PAK3: variants seen among roughly 807,000 people sequenced by gnomAD.
PAK3 encodes the protein p21 (RAC1) activated kinase 3, also known as serine/threonine-protein kinase PAK 3.
In PAK3, 4 loss-of-function variants were observed where a neutral mutation model predicts 41.0. That is an observed-to-expected ratio of 0.10 (90% CI 0.05 to 0.22). The LOEUF (loss-of-function observed/expected upper bound fraction) is 0.22. PAK3 is among the 10% of genes least tolerant of loss of function. The pLI is 1.00. For missense variants in PAK3, 205 were observed against 409.9 expected (o/e 0.50, Z 4.32); for synonymous variants, 146 against 139.6 (o/e 1.05, Z -0.32).
chrX:111,204,817 G>A (rs73545211), intron 16 of PAK3, among the ~76,000 whole-genome samples: 14,034 of 97,988 alleles, frequency 0.14, 2,375 homozygotes, highest in African/African-American at 0.47. Context: ...TGACCTTTCT[G>A]TTGTAGCTTT....
chrX:110,954,945 GCCTGGGTGGGGGAAGACAA>G (rs1408766774), intron 1 of PAK3, among the ~76,000 whole-genome samples: 3 of 111,198 alleles, frequency 2.7e-5, no homozygotes, highest in Non-Finnish European at 5.7e-5. Context: ...GCTAAAGGGA[GCCTGGGTGGGGGAAGACAA>G]CCAGGGAGAG....
chrX:111,173,178 T>C, intron 11 of PAK3, 97 bp downstream of exon 11: 2 of 511,607 alleles, frequency 3.9e-6, no homozygotes, highest in South Asian at 5.5e-5. Context: ...TAAATTATGC[T>C]TCTCATTTCC....
At chrX:111,034,060 G>A (rs1372491214) in intron 1 of PAK3, among the ~76,000 whole-genome samples, 4 of 111,650 alleles carry the variant, frequency 3.6e-5, no homozygotes, top group Non-Finnish European at 3.8e-5. Context: ...ACACACAAGT[G>A]TGTGTGCACA....
intron 1 of PAK3, among the ~76,000 whole-genome samples, chrX:110,995,040 C>T (rs1391975003): frequency 9.0e-6 from 1 of 111,566 alleles, no homozygotes. Flanking sequence ...CCTTTGGATA[C>T]TTATCTTACT....
At chrX:111,038,410 C>G (rs1245684490) in intron 1 of PAK3, among the ~76,000 whole-genome samples, 2 of 112,269 alleles carry the variant, frequency 1.8e-5, no homozygotes, top group African/African-American at 6.5e-5. Context: ...ACCATCCCCA[C>G]CCTTCTTACA....
intron 8 of PAK3, among the ~76,000 whole-genome samples, chrX:111,155,715 G>T (rs1018829444): frequency 1.8e-5 from 2 of 111,085 alleles, no homozygotes; most frequent in African/African-American, 6.6e-5. Flanking sequence ...TCATATAAAA[G>T]TTGGCATTTG....
chrX:111,012,287 GC>G (rs891916726), intron 1 of PAK3, among the ~76,000 whole-genome samples: 1 of 111,792 alleles, frequency 8.9e-6, no homozygotes, highest in African/African-American at 3.2e-5. Flanking sequence ...GATTTCATTT[GC>G]CTTCCCAATA....
chrX:111,148,351 G>T (rs1041280766), intron 7 of PAK3, among the ~76,000 whole-genome samples: 1 of 112,192 alleles, frequency 8.9e-6, no homozygotes, highest in African/African-American at 3.2e-5. Flanking sequence ...ACTGAAAAGA[G>T]AAAACTATGT....
At chrX:111,088,942 T>C (rs1002159462) in intron 1 of PAK3, among the ~76,000 whole-genome samples, 1 of 112,123 alleles carries the variant, frequency 8.9e-6, no homozygotes, top group African/African-American at 3.2e-5. Context: ...CTCTTTCAGT[T>C]CTGGGGAAGT....
intron 1 of PAK3, among the ~76,000 whole-genome samples, chrX:110,969,346 C>T (rs1055605988): frequency 9.9e-6 from 1 of 101,228 alleles, no homozygotes; most frequent in Non-Finnish European, 2.0e-5. Context: ...TGCAATGGCG[C>T]GATCTCAGCT....
chrX:111,201,634 A>G (rs2094684836), intron 16 of PAK3, among the ~76,000 whole-genome samples: 1 of 110,881 alleles, frequency 9.0e-6, no homozygotes, highest in Admixed American at 9.6e-5. Flanking sequence ...TCCTGTAGTC[A>G]GGCAGATCTG....
At chrX:111,051,336 T>G (rs1318399798) in intron 1 of PAK3, among the ~76,000 whole-genome samples, 1 of 111,914 alleles carries the variant, frequency 8.9e-6, no homozygotes, top group Non-Finnish European at 1.9e-5. Flanking sequence ...CTCGAGTCTT[T>G]GAGATTTTAT....
At chrX:111,029,580 A>G (rs2092317093) in intron 1 of PAK3, among the ~76,000 whole-genome samples, 1 of 112,191 alleles carries the variant, frequency 8.9e-6, no homozygotes, top group African/African-American at 3.2e-5. Flanking sequence ...ACTATACCAT[A>G]CTGCATTTAT....
chrX:111,203,839 C>A (rs942888097), intron 16 of PAK3, among the ~76,000 whole-genome samples: 1 of 111,785 alleles, frequency 8.9e-6, no homozygotes, highest in African/African-American at 3.2e-5. Context: ...CATAAACTTC[C>A]TGAGTGCCAG....
Position 111,010,843 on chromosome X carries a change from G to A in PAK3, c.-28+66215G>A, listed in dbSNP as rs184794685. Reference sequence around the variant, plus strand: ...TACAGCAATACAAAAATGGTCTAGCGCACTAGCCAACTTCTCTGAACTCCT... The same window carrying A: ...TACAGCAATACAAAAATGGTCTAGCACACTAGCCAACTTCTCTGAACTCCT... On this transcript the variant is annotated intron_variant, in intron 1 of 14. Transcript: ENST00000425146. Among the ~76,000 whole-genome samples, 196 of 111,879 alleles carry A rather than the reference G, an allele frequency of 1.8e-3. 1 individual carries two copies. Among genetic ancestry groups the A allele is most frequent in the African/African-American group, 6.1e-3 (189 of 30,806 alleles).
At chrX:111,111,981 T>C (rs959690558) in intron 4 of PAK3, among the ~76,000 whole-genome samples, 1 of 111,481 alleles carries the variant, frequency 9.0e-6, no homozygotes, top group African/African-American at 3.3e-5. Flanking sequence ...TCTTGACTGA[T>C]TATCTTAGTG....
intron 1 of PAK3, among the ~76,000 whole-genome samples, chrX:110,981,936 A>G (rs1333073631): frequency 1.8e-5 from 2 of 111,875 alleles, no homozygotes; most frequent in South Asian, 3.8e-4. Flanking sequence ...AGATATGGGT[A>G]GAGAGAGAAG....
At chrX:110,947,528 CCA>C (rs1368421451) in intron 1 of PAK3, among the ~76,000 whole-genome samples, 1 of 110,601 alleles carries the variant, frequency 9.0e-6, no homozygotes, top group Non-Finnish European at 1.9e-5. Context: ...CTCTCCCCAT[CCA>C]CACACACACA....
chrX:111,155,359 G>GGCATGGT (rs1603309900), intron 8 of PAK3, among the ~76,000 whole-genome samples: 3 of 109,748 alleles, frequency 2.7e-5, no homozygotes. Flanking sequence ...AAACTAGCTG[G>GGCATGGT]GCATGGTGGT....
Sources: gnomAD v4.1 joint callset for allele counts (sites outside exome capture counted in the v4.1 genomes callset) on GRCh38, gnomAD v4.1.1 for gene constraint, MANE v1.5 for transcripts, NCBI Gene and HGNC (gene_info 2026-07-23, HGNC 2026-07-21) for gene names.